Variants in DCDC1 observed in about 807,000 individuals in gnomAD.
DCDC1 encodes doublecortin domain-containing protein 1.
A neutral mutation model predicts 178.3 loss-of-function variants in DCDC1; 200 were observed. The observed-to-expected ratio is 1.12, with a 90% CI of 1.00 to 1.26. DCDC1 has a LOEUF of 1.26. DCDC1 is among the 50% of genes most tolerant of loss of function. The pLI is 0.00. For synonymous variants in DCDC1, 690 were observed against 604.8 expected (o/e 1.14, Z -2.07); for missense variants, 1,983 against 1,749.2 (o/e 1.13, Z -2.38).
At chr11:31,050,493 A>G (rs1362404068) in intron 20 of DCDC1, among the ~76,000 whole-genome samples, 1 of 152,170 alleles carries the variant, frequency 6.6e-6, no homozygotes, top group Admixed American at 6.5e-5. Flanking sequence ...CGCTCTCCAC[A>G]TTACTACAGC....
chr11:30,894,667 A>G (rs1204466735), intron 34 of DCDC1, among the ~76,000 whole-genome samples: 1 of 152,222 alleles, frequency 6.6e-6, no homozygotes, highest in East Asian at 1.9e-4. Context: ...TGCATCCATG[A>G]TATGGTTCAG....
chr11:31,348,859 T>C (rs1294281679), intron 1 of DCDC1, among the ~76,000 whole-genome samples: 2 of 152,214 alleles, frequency 1.3e-5, no homozygotes, highest in East Asian at 1.9e-4. Context: ...TGTGTAAATA[T>C]GTAAATCACA....
In DCDC1 at chr11:30,914,128, G is replaced by C. The variant is rs145381211; in HGVS notation, c.3653+1383C>G. 3.9e-3 allele frequency among the ~76,000 whole-genome samples: 598 copies of C among 152,292 alleles called. 2 individuals are homozygous for C. Among genetic ancestry groups the C allele is most frequent in the African/African-American group, 0.014 (565 of 41,568 alleles). On this transcript the variant is annotated intron_variant, in intron 27 of 38. Coordinates refer to ENST00000684477, the MANE Select transcript of DCDC1 (RefSeq NM_001387274.1). ...AATGAATGAATTCTGGTTCCATATG[G>C]CAAACCATTCACAGAAACAAAAGCC...
chr11:31,306,164 A>AT (rs1258151273), intron 5 of DCDC1, 68 bp downstream of exon 5: 2 of 1,311,826 alleles, frequency 1.5e-6, no homozygotes, highest in East Asian at 5.7e-5. Flanking sequence ...TAATTTTCTC[A>AT]TTTTTTATAT....
intron 1 of DCDC1, among the ~76,000 whole-genome samples, chr11:31,353,896 T>C (rs967527721): frequency 3.9e-5 from 6 of 152,200 alleles, no homozygotes; most frequent in African/African-American, 1.4e-4. Flanking sequence ...GTTATGGAAA[T>C]AGATAATCAG....
chr11:31,213,114 T>TCTCC (rs1565441941), intron 9 of DCDC1, among the ~76,000 whole-genome samples: 1 of 63,888 alleles, frequency 1.6e-5, no homozygotes, highest in African/African-American at 6.9e-5. Context: ...TCTCTCTCTC[T>TCTCC]CTCTCTCTCT....
At chr11:31,083,607 T>C (rs965286145) in intron 17 of DCDC1, among the ~76,000 whole-genome samples, 3 of 152,158 alleles carry the variant, frequency 2.0e-5, no homozygotes, top group African/African-American at 7.2e-5. Flanking sequence ...CCAGTGCCAT[T>C]TCAGATTTTT....
chr11:31,134,302 T>C (rs1337504151), intron 10 of DCDC1, among the ~76,000 whole-genome samples: 3 of 152,196 alleles, frequency 2.0e-5, no homozygotes, highest in Non-Finnish European at 4.4e-5. Flanking sequence ...TCCAAGAGCA[T>C]AAGTGACCAT....
At chr11:31,036,611 A>G (rs966454073) in intron 20 of DCDC1, among the ~76,000 whole-genome samples, 1 of 152,208 alleles carries the variant, frequency 6.6e-6, no homozygotes, top group African/African-American at 2.4e-5. Context: ...AATAAAATCA[A>G]TGTGCACTTG....
chr11:31,330,988 G>C (rs1177952558), intron 2 of DCDC1, among the ~76,000 whole-genome samples: 1 of 152,120 alleles, frequency 6.6e-6, no homozygotes, highest in Non-Finnish European at 1.5e-5. Context: ...TGGGCAGTAT[G>C]GTCATTTTCA....
intron 1 of DCDC1, among the ~76,000 whole-genome samples, chr11:31,356,136 C>A (rs1048433181): frequency 3.3e-5 from 5 of 151,976 alleles, no homozygotes; most frequent in Admixed American, 3.3e-4. Flanking sequence ...CCAGATAAAA[C>A]TGACTTTATT....
chr11:30,985,129 C>T (rs577313334), intron 20 of DCDC1, among the ~76,000 whole-genome samples: 8 of 152,174 alleles, frequency 5.3e-5, no homozygotes, highest in Non-Finnish European at 7.3e-5. Context: ...CTGTTTCCCA[C>T]ACTTCAAGTC....
chr11:31,033,103 T>C (rs895338340), intron 20 of DCDC1, among the ~76,000 whole-genome samples: 1 of 152,106 alleles, frequency 6.6e-6, no homozygotes, highest in Non-Finnish European at 1.5e-5. Context: ...AATGAGATAA[T>C]TGCAGCAGCA....
intron 18 of DCDC1, among the ~76,000 whole-genome samples, chr11:31,073,383 T>TG (rs1368365062): frequency 2.0e-5 from 3 of 150,096 alleles, no homozygotes; most frequent in East Asian, 2.1e-4. Context: ...CACCTAAATT[T>TG]GGGGAAAAAA....
At chr11:31,217,762 T>C (rs1973762688) in intron 9 of DCDC1, among the ~76,000 whole-genome samples, 1 of 152,168 alleles carries the variant, frequency 6.6e-6, no homozygotes, top group Non-Finnish European at 1.5e-5. Flanking sequence ...TAATCCCACA[T>C]GCATGCTAAT....
At position 30,953,309 on chromosome 11, in the gene DCDC1, T is replaced by G. The variant is rs143928200; in HGVS notation, c.2592-741A>C. Among the ~76,000 whole-genome samples the G allele has an allele frequency of 2.3e-3, 342 of 148,696 alleles. 1 individual carries two copies. Among genetic ancestry groups the G allele is most frequent in the African/African-American group, 7.9e-3 (325 of 40,948 alleles). On this transcript the variant is annotated intron_variant, in intron 20 of 38. Coordinates refer to ENST00000684477, the MANE Select transcript of DCDC1 (RefSeq NM_001387274.1). ...TATATTTATTATCATAAGCATTATA[T>G]TAATTATATATTAATTATAAGTAAA...
At chr11:30,985,714 G>T (rs1026887736) in intron 20 of DCDC1, among the ~76,000 whole-genome samples, 1 of 152,138 alleles carries the variant, frequency 6.6e-6, no homozygotes. Flanking sequence ...TTTGCCACAG[G>T]TGAAGAGGCT....
intron 16 of DCDC1, among the ~76,000 whole-genome samples, chr11:31,093,756 C>T (rs1957957596): frequency 6.6e-6 from 1 of 152,158 alleles, no homozygotes; most frequent in African/African-American, 2.4e-5. Flanking sequence ...AGACAAATCT[C>T]ATGAAAATGA....
chr11:31,358,033 A>G (rs1365415323), intron 1 of DCDC1, among the ~76,000 whole-genome samples: 2 of 152,056 alleles, frequency 1.3e-5, no homozygotes, highest in African/African-American at 4.8e-5. Context: ...TATAGATTCA[A>G]TGCCATCCCC....
Sources: allele counts gnomAD v4.1 joint callset (sites outside exome capture counted in the v4.1 genomes callset), GRCh38; gene constraint gnomAD v4.1.1; transcripts MANE v1.5; gene names NCBI Gene and HGNC (gene_info 2026-07-23, HGNC 2026-07-21).